The following KCNK1 variants were observed in gnomAD, a reference collection of about 807,000 sequenced individuals.
KCNK1 encodes potassium channel subfamily K member 1.
KCNK1 carries 10 observed loss-of-function variants against 22.2 expected under a neutral mutation model. That is an observed-to-expected ratio of 0.45 (90% CI 0.28 to 0.76). KCNK1 has a LOEUF of 0.76. Ranked by LOEUF, KCNK1 falls within the 30% of genes least tolerant of loss-of-function variation. KCNK1 has a pLI of 0.14. For synonymous variants in KCNK1, 200 were observed against 186.4 expected, an observed-to-expected ratio of 1.07 and a Z score of -0.60; for missense variants, 378 against 421.0, an observed-to-expected ratio of 0.90 and a Z score of 0.89.
chr1:233,618,807 C>G (rs1237072561), intron 1 of KCNK1, among the ~76,000 whole-genome samples: 1 of 152,052 alleles, frequency 6.6e-6, no homozygotes, highest in East Asian at 1.9e-4. Flanking sequence ...TGGCTTGAAC[C>G]CGGGAGGCGG....
rs115321408 is a variant in KCNK1 at position 233,671,331 on chromosome 1, A to G, written c.812A>G (p.His271Arg). ...GTTCTGGAAACCTTCTGTGAACTCC[A>G]TGAGCTGAAAAAATTCAGAAAAATG... is the stretch of plus-strand genomic sequence containing the variant. ...LVVLETFCEL[H>R]ELKKFRKMFY... The change falls in exon 3 of 3, where the codon CAT (histidine) becomes CGT (arginine). Residue 271 changes from histidine to arginine, a missense_variant. By Grantham distance (29) the His-to-Arg change is conservative. Coordinates refer to ENST00000366621, the MANE Select transcript of KCNK1 (RefSeq NM_002245.4). 188 of 1,614,204 alleles carry G rather than the reference A, an allele frequency of 1.2e-4. 1 individual carries two copies. In the African/African-American group the frequency reaches 1.8e-3, roughly 16 times the overall value.
chr1:233,633,121 C>T (rs898223533), intron 1 of KCNK1, among the ~76,000 whole-genome samples: 52 of 151,196 alleles, frequency 3.4e-4, no homozygotes, highest in African/African-American at 1.2e-3. Context: ...ATGAAAATAG[C>T]AATGAGAGCC....
Position 233,614,356 on chromosome 1 carries a change from G to T in KCNK1, c.185G>T (p.Arg62Leu), listed in dbSNP as rs897701278. The T allele has an allele frequency of 5.6e-6, 9 of 1,611,264 alleles. No homozygotes were observed. The highest frequency in any genetic ancestry group is 7.6e-6 in the Non-Finnish European group (9 of 1,178,838). The change falls in exon 1 of 3, where the codon CGC (arginine) becomes CTC (leucine). Residue 62 changes from arginine (R) to leucine (L), a missense_variant. By Grantham distance (102) the Arg-to-Leu change is moderately radical. Coordinates refer to ENST00000366621, the MANE Select transcript of KCNK1 (RefSeq NM_002245.4). ...LRQELRKLKR[R>L]FLEEHECLSE... ...CAGGAGCTGCGCAAGCTGAAGCGAC[G>T]CTTCTTGGAGGAGCACGAGTGCCTG... is the stretch of plus-strand genomic sequence containing the variant.
In KCNK1 at chr1:233,671,513, G is replaced by A; in HGVS notation, c.994G>A (p.Gly332Ser). 1 of 1,614,082 alleles carries A rather than the reference G, an allele frequency of 6.2e-7. No homozygotes were observed. Among genetic ancestry groups the A allele is most frequent in the Non-Finnish European group, 8.5e-7 (1 of 1,180,028 alleles). The change falls in exon 3 of 3, where the codon GGC becomes AGC. Residue 332 changes from glycine (G) to serine (S), a missense_variant. Gly to Ser is a moderately conservative substitution (Grantham distance 56). Transcript: ENST00000366621. ...CACCCAGTCATCTGCCTGCGTGGATGGCCCTGCAAACCATTGAGCGTAGGA... is the reference window on the plus strand; with the variant it reads ...CACCCAGTCATCTGCCTGCGTGGATAGCCCTGCAAACCATTGAGCGTAGGA... The part of the protein sequence containing the change: ...VATQSSACVD[G>S]PANH
intron 1 of KCNK1, chr1:233,655,730 A>G (rs1457065380): frequency 6.5e-6 from 1 of 152,996 alleles, no homozygotes; most frequent in Non-Finnish European, 1.5e-5. Flanking sequence ...TGAGAAGTCT[A>G]TGAGGAAGCA....
intron 1 of KCNK1, among the ~76,000 whole-genome samples, chr1:233,649,237 G>A (rs894253099): frequency 1.9e-4 from 29 of 152,178 alleles, no homozygotes; most frequent in African/African-American, 5.8e-4. Context: ...GAAAGTTAGC[G>A]TTTGAAAAAC....
At chr1:233,662,218 C>T (rs908604300) in intron 1 of KCNK1, among the ~76,000 whole-genome samples, 4 of 150,630 alleles carry the variant, frequency 2.7e-5, no homozygotes, top group African/African-American at 7.3e-5. Flanking sequence ...GTAGCTGCTG[C>T]TGCTGCTTCT....
At chr1:233,642,227 C>T (rs1428159617) in intron 1 of KCNK1, among the ~76,000 whole-genome samples, 2 of 152,196 alleles carry the variant, frequency 1.3e-5, no homozygotes, top group African/African-American at 4.8e-5. Context: ...GAGATGCCTG[C>T]TCAGCTGCAG....
intron 1 of KCNK1, among the ~76,000 whole-genome samples, chr1:233,659,547 T>C (rs1407851286): frequency 1.3e-5 from 2 of 151,612 alleles, no homozygotes; most frequent in African/African-American, 4.8e-5. Context: ...CCAGTAACAG[T>C]CATTTATTAT....
chr1:233,614,588 GGCCCCGGC>G, intron 1 of KCNK1, 62 bp downstream of exon 1: 3 of 1,346,886 alleles, frequency 2.2e-6, no homozygotes, highest in Non-Finnish European at 3.0e-6. Context: ...CACACACCCC[GGCCCCGGC>G]GCCCCGGGCC....
chr1:233,630,049 C>G (rs1657764326), intron 1 of KCNK1: 1 of 152,190 alleles, frequency 6.6e-6, no homozygotes, highest in Non-Finnish European at 1.5e-5. Flanking sequence ...CGGCCTGACC[C>G]CAGACATCAG....
intron 1 of KCNK1, among the ~76,000 whole-genome samples, chr1:233,626,733 A>G (rs927121355): frequency 2.6e-5 from 4 of 152,230 alleles, no homozygotes; most frequent in Non-Finnish European, 5.9e-5. Flanking sequence ...AAGAGTACCT[A>G]AACTGTAATA....
At chr1:233,670,866 T>C (rs956850799) in intron 2 of KCNK1, among the ~76,000 whole-genome samples, 1 of 152,112 alleles carries the variant, frequency 6.6e-6, no homozygotes, top group Admixed American at 6.5e-5. Flanking sequence ...AACAAAAACT[T>C]TTCTAAAACA....
chr1:233,652,354 C>G (rs1015676389), intron 1 of KCNK1, among the ~76,000 whole-genome samples: 3 of 152,082 alleles, frequency 2.0e-5, no homozygotes, highest in Admixed American at 1.3e-4. Context: ...TTACCGCTAC[C>G]CCTGAGGCCA....
At chr1:233,624,826 G>C (rs1181162805) in intron 1 of KCNK1, among the ~76,000 whole-genome samples, 3 of 152,162 alleles carry the variant, frequency 2.0e-5, no homozygotes. Flanking sequence ...ATTCCTCTCT[G>C]AGTATTTGTG....
chr1:233,661,642 C>T (rs1658395011), intron 1 of KCNK1, among the ~76,000 whole-genome samples: 1 of 152,134 alleles, frequency 6.6e-6, no homozygotes, highest in African/African-American at 2.4e-5. Context: ...TTAGAGCTCC[C>T]TTGAGCCTTC....
At chr1:233,615,090 C>T (rs1657464501) in intron 1 of KCNK1, among the ~76,000 whole-genome samples, 1 of 152,216 alleles carries the variant, frequency 6.6e-6, no homozygotes, top group Admixed American at 6.5e-5. Context: ...TCTTTTGTAC[C>T]TTGGAGGCAG....
At chr1:233,654,053 A>G (rs761970631) in intron 1 of KCNK1, among the ~76,000 whole-genome samples, 34 of 152,170 alleles carry the variant, frequency 2.2e-4, no homozygotes, top group Non-Finnish European at 4.4e-4. Flanking sequence ...GAGGAGAGCT[A>G]TAAAGAAAGC....
chr1:233,615,881 A>G (rs186882865), intron 1 of KCNK1, among the ~76,000 whole-genome samples: 2 of 152,282 alleles, frequency 1.3e-5, no homozygotes, highest in African/African-American at 4.8e-5. Context: ...GTGAATTACT[A>G]AACTGATGTA....
Sources: gnomAD v4.1 joint callset for allele counts (sites outside exome capture counted in the v4.1 genomes callset) on GRCh38, gnomAD v4.1.1 for gene constraint, MANE v1.5 for transcripts, NCBI Gene and HGNC (gene_info 2026-07-23, HGNC 2026-07-21) for gene names.